Variants in ULK2 observed in about 807,000 individuals in gnomAD.
The protein encoded by ULK2 is unc-51 like autophagy activating kinase 2.
A neutral mutation model predicts 127.5 loss-of-function variants in ULK2; 76 were observed. The ratio of observed to expected loss-of-function variants is 0.60; its 90% CI spans 0.50 to 0.72. The LOEUF is 0.72. ULK2 is among the 30% of genes least tolerant of loss of function. ULK2 has a pLI of 0.00. For synonymous variants in ULK2, 452 were observed against 461.9 expected (o/e 0.98, Z 0.28); for missense variants, 1,144 against 1,295.9 (o/e 0.88, Z 1.80).
At chr17:19,827,815 C>T (rs1461355015) in intron 10 of ULK2, among the ~76,000 whole-genome samples, 1 of 151,786 alleles carries the variant, frequency 6.6e-6, no homozygotes, top group South Asian at 2.1e-4. Context: ...GAGGCTGAGG[C>T]AGGGGAATCG....
At chr17:19,824,446 C>CA (rs397943235) in intron 12 of ULK2, among the ~76,000 whole-genome samples, 1,270 of 9,864 alleles carry the variant, frequency 0.13, 293 homozygotes, top group Non-Finnish European at 0.16. Flanking sequence ...AACTCCATCT[C>CA]AAAAAAAAAA....
At chr17:19,856,805 T>C (rs1443005315) in intron 3 of ULK2, among the ~76,000 whole-genome samples, 1 of 149,872 alleles carries the variant, frequency 6.7e-6, no homozygotes, top group Non-Finnish European at 1.5e-5. Flanking sequence ...ACCCCGTCTC[T>C]ACTAAAAAAT....
In ULK2 at chr17:19,774,995, A is replaced by C. The variant is rs205108; in HGVS notation, c.*1354T>G. 130,739 of 152,630 alleles carry C rather than the reference A, an allele frequency of 0.86. 57,533 individuals carry two copies. Among genetic ancestry groups the C allele is most frequent in the Non-Finnish European group, 0.97 (65,689 of 68,034 alleles). The allele number at this position is 152,630 out of a possible 1,614,324, so 9.5% of individuals were successfully genotyped here. ...TACATTACTTTGTCAAAGTAAAGGAAAACCATGTTTGTTTTTATCAGTACA... is the reference window on the plus strand; with the variant it reads ...TACATTACTTTGTCAAAGTAAAGGACAACCATGTTTGTTTTTATCAGTACA... On this transcript the variant is annotated 3_prime_UTR_variant, in exon 27 of 27. Coordinates refer to ENST00000395544, the MANE Select transcript of ULK2 (RefSeq NM_014683.4).
In ULK2 at chr17:19,783,754, G is replaced by A. The variant is rs1379940491; in HGVS notation, c.2403C>T (p.Ser801=). The A allele has an allele frequency of 6.2e-7, 1 of 1,600,464 alleles. No individual in the cohort carries two copies. The highest frequency in any genetic ancestry group is 1.3e-5 in the African/African-American group (1 of 74,444). The part of the protein sequence containing the change: ...RYVPYGASPP[S]LEGLITFEAP... ...CTTCAAAGGTGATGAGCCCCTCTAG[G>A]CTGGGGGGTGAAGCACCGTAAGGCA... Residue 801 remains serine, a synonymous_variant, in exon 22 of 27, where the codon AGC becomes AGT. Coordinates refer to ENST00000395544, the MANE Select transcript of ULK2 (RefSeq NM_014683.4).
At chr17:19,856,977 CAAAAAAAAAAA>C (rs1157706276) in intron 3 of ULK2, among the ~76,000 whole-genome samples, 909 of 21,316 alleles carry the variant, frequency 0.043, 9 homozygotes, top group South Asian at 0.19. Flanking sequence ...ACTCCATCTC[CAAAAAAAAAAA>C]AAAAAAAAAA....
chr17:19,844,279 A>G (rs1327323981), intron 7 of ULK2, among the ~76,000 whole-genome samples: 1 of 152,186 alleles, frequency 6.6e-6, no homozygotes, highest in Non-Finnish European at 1.5e-5. Flanking sequence ...TTTATTTCTC[A>G]GATGTAACAT....
intron 20 of ULK2, among the ~76,000 whole-genome samples, chr17:19,790,874 C>A (rs909116378): frequency 6.6e-6 from 1 of 152,040 alleles, no homozygotes; most frequent in Non-Finnish European, 1.5e-5. Context: ...TTACATCAGA[C>A]AAGATAGATT....
chr17:19,865,245 T>G (rs1018275536), intron 2 of ULK2, among the ~76,000 whole-genome samples: 9 of 152,180 alleles, frequency 5.9e-5, no homozygotes, highest in Admixed American at 3.3e-4. Context: ...AAGAAGTATT[T>G]AGTAAATGGG....
rs1597725957 is a variant in ULK2 at position 19,796,279 on chromosome 17, T to C, written c.1813A>G (p.Thr605Ala). 6.5e-7 allele frequency: 1 copy of C among 1,546,282 alleles called. No individual in the cohort carries two copies. The highest frequency in any genetic ancestry group is 8.7e-7 in the Non-Finnish European group (1 of 1,155,248). The change falls in exon 19 of 27, where the codon ACA (threonine) becomes GCA (alanine). Residue 605 changes from threonine (T) to alanine (A), a missense_variant. Around this residue, in one of 2 missense-constraint regions of ULK2, gnomAD observed 913 missense variants for 970.5 expected, o/e 0.94. Transcript: ENST00000395544. ...PTIIGSPTKT[T>A]APFKIPKTQA... ...GTTTTAGGGATTTTGAAAGGAGCTG[T>C]GGTCTAAAGAGACATATATATATAT...
At position 19,796,194 on chromosome 17, in the gene ULK2, G is replaced by C. The variant is rs374681892; in HGVS notation, c.1898C>G (p.Ser633Trp). 1 of 1,614,058 alleles carries C rather than the reference G, an allele frequency of 6.2e-7. No homozygotes were observed. The highest frequency in any genetic ancestry group is 8.5e-7 in the Non-Finnish European group (1 of 1,180,016). Residue 633 changes from serine to tryptophan, a missense_variant, in exon 19 of 27, where the codon TCG becomes TGG. Coordinates refer to ENST00000395544, the MANE Select transcript of ULK2 (RefSeq NM_014683.4). ...VTRHGPAEEQ[S>W]KDGNEPRECA... ...TTCCCGTGGCTCATTCCCATCTTTC[G>C]ACTGTTCTTCAGCAGGCCCATGACG...
At chr17:19,832,428 A>T (rs569305909) in intron 10 of ULK2, among the ~76,000 whole-genome samples, 1 of 152,052 alleles carries the variant, frequency 6.6e-6, no homozygotes, top group African/African-American at 2.4e-5. Flanking sequence ...CCACAACACC[A>T]GCTAATTTTT....
intron 10 of ULK2, among the ~76,000 whole-genome samples, chr17:19,835,377 G>A (rs1303438979): frequency 8.0e-5 from 12 of 150,278 alleles, no homozygotes; most frequent in African/African-American, 1.5e-4. Context: ...CACCACACCC[G>A]GCCTCAACTA....
At chr17:19,782,145 C>A in intron 22 of ULK2, 78 bp from the exon 23 acceptor site, 1 of 1,375,218 alleles carries the variant, frequency 7.3e-7, no homozygotes, top group South Asian at 1.4e-5. Flanking sequence ...TAAACCATGG[C>A]CGCTGATCAT....
chr17:19,795,210 T>C (rs1257137507), intron 20 of ULK2, among the ~76,000 whole-genome samples: 2 of 152,026 alleles, frequency 1.3e-5, no homozygotes, highest in Non-Finnish European at 2.9e-5. Context: ...GTCATGAACA[T>C]ACAGTCTCTG....
chr17:19,852,089 G>A (rs2042029484), intron 3 of ULK2, among the ~76,000 whole-genome samples: 1 of 150,626 alleles, frequency 6.6e-6, no homozygotes, highest in African/African-American at 2.4e-5. Flanking sequence ...GCTGGGCAGT[G>A]TGGCACGCAC....
chr17:19,817,508 A>C (rs2041020725), intron 12 of ULK2, among the ~76,000 whole-genome samples: 1 of 152,170 alleles, frequency 6.6e-6, no homozygotes, highest in Non-Finnish European at 1.5e-5. Context: ...TTGTTTTATC[A>C]GGGGTAGTAG....
At chr17:19,853,237 C>T (rs974133599) in intron 3 of ULK2, among the ~76,000 whole-genome samples, 2 of 151,238 alleles carry the variant, frequency 1.3e-5, no homozygotes, top group Non-Finnish European at 2.9e-5. Context: ...AGGGTTCAAG[C>T]GAGTCTCCTG....
Position 19,833,101 on chromosome 17 carries a change from C to T in ULK2, c.787+5400G>A, listed in dbSNP as rs1366598865. 9.3e-5 allele frequency among the ~76,000 whole-genome samples: 13 copies of T among 140,516 alleles called. No individual in the cohort carries two copies. In the South Asian group the frequency reaches 1.8e-3, roughly 19 times the overall value. The allele number at this position is 140,516 out of a possible 152,430, so 92.2% of individuals were successfully genotyped here. ...TCATGCCATTGCACTCCAGCCTGGG[C>T]GACACAGTAAGACTTTGTCTCAAAG... On this transcript the variant is annotated intron_variant, in intron 10 of 26. Coordinates refer to ENST00000395544, the MANE Select transcript of ULK2 (RefSeq NM_014683.4).
chr17:19,819,144 A>G lies in ULK2; in HGVS notation c.925-2224T>C, dbSNP rs931970738. On this transcript the variant is annotated intron_variant, in intron 12 of 26. Transcript: ENST00000395544. ...CTGACTCAAATGTGTCACATCCTAT[A>G]TATCCCTTAATTCAACATAACCCAC... Among the ~76,000 whole-genome samples, 8 of 152,246 alleles carry G rather than the reference A, an allele frequency of 5.3e-5. No individual in the cohort carries two copies. In the East Asian group the frequency reaches 5.8e-4, roughly 11 times the overall value.
Sources: gnomAD v4.1 joint callset for allele counts (sites outside exome capture counted in the v4.1 genomes callset) on GRCh38, gnomAD v4.1.1 for gene constraint, gnomAD v4.1.1 regional missense constraint, MANE v1.5 for transcripts, NCBI Gene and HGNC (gene_info 2026-07-23, HGNC 2026-07-21) for gene names.